Variants in EYA1 observed in about 807,000 individuals in gnomAD.
EYA1 encodes the protein protein phosphatase EYA1.
Under a neutral mutation model 82.0 loss-of-function variants are expected in EYA1, and 16 were observed. The ratio of observed to expected loss-of-function variants is 0.20; its 90% CI spans 0.13 to 0.30. The LOEUF (loss-of-function observed/expected upper bound fraction) is 0.30, where lower values mean the gene tolerates loss of function less well. EYA1 is among the 10% of genes least tolerant of loss of function. The pLI is 1.00. For synonymous variants in EYA1, 261 were observed against 264.4 expected (o/e 0.99, Z 0.12); for missense variants, 633 against 730.7 (o/e 0.87, Z 1.54).
At chr8:71,266,100 G>C (rs1815769008) in intron 11 of EYA1, among the ~76,000 whole-genome samples, 1 of 152,142 alleles carries the variant, frequency 6.6e-6, no homozygotes, top group Non-Finnish European at 1.5e-5. Context: ...CCTACTCATT[G>C]AGTTGCCTAA....
chr8:71,504,842 C>G (rs1489881575), intron 2 of EYA1, among the ~76,000 whole-genome samples: 3 of 152,190 alleles, frequency 2.0e-5, no homozygotes, highest in African/African-American at 7.2e-5. Flanking sequence ...CCCTCTGCCC[C>G]CTAGGCTAGA....
chr8:71,366,204 A>G (rs539610616), upstream of EYA1, among the ~76,000 whole-genome samples: 216 of 152,186 alleles, frequency 1.4e-3, 2 homozygotes, highest in African/African-American at 5.1e-3. Context: ...TCTTGAAACT[A>G]ATAGTGATAG....
At chr8:71,503,548 G>C (rs1429175650) in intron 2 of EYA1, among the ~76,000 whole-genome samples, 1 of 151,648 alleles carries the variant, frequency 6.6e-6, no homozygotes, top group Non-Finnish European at 1.5e-5. Context: ...ATCTCTCCTT[G>C]AGGTCTACAT....
chr8:71,333,556 T>C (rs755775833), intron 4 of EYA1, among the ~76,000 whole-genome samples: 15 of 152,244 alleles, frequency 9.9e-5, no homozygotes, highest in African/African-American at 1.9e-4. Context: ...AATTTCATTA[T>C]GACACTTGTG....
intron 11 of EYA1, among the ~76,000 whole-genome samples, chr8:71,267,716 T>G (rs1172393479): frequency 6.6e-6 from 1 of 152,064 alleles, no homozygotes; most frequent in Non-Finnish European, 1.5e-5. Context: ...GCCTGGCTAA[T>G]TTTTTGTATT....
At position 71,265,081 on chromosome 8, in the gene EYA1, A is replaced by T. The variant is rs1586075521; in HGVS notation, c.1050+4659T>A. Among the ~76,000 whole-genome samples, 6 of 152,318 alleles carry T rather than the reference A, an allele frequency of 3.9e-5. No homozygotes were observed. In the South Asian group the frequency reaches 1.2e-3, roughly 32 times the overall value. On this transcript the variant is annotated intron_variant, in intron 11 of 17. Transcript: ENST00000340726. ...TCTATCACACTCTAAGGCATAGCGT[A>T]TACTTGTAATTCATAAATTTGAGGA...
intron 11 of EYA1, among the ~76,000 whole-genome samples, chr8:71,258,271 T>C (rs1814680816): frequency 6.6e-6 from 1 of 152,310 alleles, no homozygotes; most frequent in African/African-American, 2.4e-5. Context: ...GACTCATTAA[T>C]GTCAGGCCAG....
intron 2 of EYA1, among the ~76,000 whole-genome samples, chr8:71,464,032 A>G (rs1808602831): frequency 6.6e-6 from 1 of 152,184 alleles, no homozygotes; most frequent in African/African-American, 2.4e-5. Context: ...TTATAATAAC[A>G]GAACCCACTA....
chr8:71,428,687 G>A (rs1400530969), intron 2 of EYA1, among the ~76,000 whole-genome samples: 1 of 152,110 alleles, frequency 6.6e-6, no homozygotes. Context: ...TTCATTTGAG[G>A]TGCATTCAAG....
At chr8:71,366,604 T>A (rs1335189976), upstream of EYA1, among the ~76,000 whole-genome samples, 1 of 152,242 alleles carries the variant, frequency 6.6e-6, no homozygotes, top group African/African-American at 2.4e-5. Flanking sequence ...TCACAGTTTT[T>A]AAATTCTTCG....
chr8:71,322,826 T>C lies in EYA1; in HGVS notation c.203-558A>G, dbSNP rs568082994. On this transcript the variant is annotated intron_variant, in intron 4 of 17. Transcript: ENST00000340726. Reference sequence around the variant, plus strand: ...TAGTAAAAATGCGTTCCTATAACTATCTTAAATTTCTCAAGTTGCAAGCTA... The same window carrying C: ...TAGTAAAAATGCGTTCCTATAACTACCTTAAATTTCTCAAGTTGCAAGCTA... Among the ~76,000 whole-genome samples, 47 of 152,338 alleles carry C rather than the reference T, an allele frequency of 3.1e-4. No homozygotes were observed. The South Asian group carries it at 9.5e-3, about 31-fold the overall frequency.
chr8:71,300,828 G>A (rs1820125390), intron 7 of EYA1, among the ~76,000 whole-genome samples: 1 of 151,958 alleles, frequency 6.6e-6, no homozygotes, highest in African/African-American at 2.4e-5. Flanking sequence ...TTTTGTGAAA[G>A]CAAAAACTAA....
At chr8:71,302,887 T>C (rs4738126) in intron 7 of EYA1, among the ~76,000 whole-genome samples, 83,981 of 140,200 alleles carry the variant, frequency 0.6, 30,296 homozygotes, top group East Asian at 0.87. Context: ...AAAAAGTAAC[T>C]TTTAATGGCT....
intron 1 of EYA1, among the ~76,000 whole-genome samples, chr8:71,359,902 A>G (rs1422820595): frequency 6.6e-6 from 1 of 152,160 alleles, no homozygotes; most frequent in South Asian, 2.1e-4. Context: ...TTATGTAAAA[A>G]AAATTTTCCT....
intron 2 of EYA1, among the ~76,000 whole-genome samples, chr8:71,490,261 A>C (rs755930171): frequency 1.3e-5 from 2 of 152,126 alleles, no homozygotes; most frequent in Non-Finnish European, 2.9e-5. Flanking sequence ...GATGGTTGCC[A>C]TTTTTGCCCA....
At chr8:71,428,254 G>A (rs1382262977) in intron 2 of EYA1, among the ~76,000 whole-genome samples, 6 of 152,092 alleles carry the variant, frequency 3.9e-5, no homozygotes, top group Admixed American at 2.0e-4. Context: ...GGGGAGGAGA[G>A]CATTAGTAAA....
In EYA1 at chr8:71,226,259, A is replaced by G. The variant is rs186926741; in HGVS notation, c.1141-9236T>C. Reference sequence around the variant, plus strand: ...ATATTAATCCCTTTTAAAATGTGCTAATTAAAAAAAATAAGACATCATTAT... The same window carrying G: ...ATATTAATCCCTTTTAAAATGTGCTGATTAAAAAAAATAAGACATCATTAT... On this transcript the variant is annotated intron_variant, in intron 12 of 17. Transcript: ENST00000340726. 2.8e-4 allele frequency among the ~76,000 whole-genome samples: 43 copies of G among 152,222 alleles called. No individual in the cohort carries two copies. The Middle Eastern group carries it at 0.01, about 36-fold the overall frequency.
rs1563422226 is a variant in EYA1, at chr8:71,299,181, T to G, written c.692A>C (p.Asn231Thr). ...ATAATGTGCTGGATACGGTGAGCTG[T>G]TATAATACTGTGCGTACTGACCCTG... is the stretch of plus-strand genomic sequence containing the variant. ...FGQGQYAQYY[N>T]SSPYPAHYMT... The change falls in exon 9 of 18, where the codon AAC becomes ACC. Residue 231 changes from asparagine (N) to threonine (T), a missense_variant. Transcript: ENST00000340726. 6.2e-7 allele frequency: 1 copy of G among 1,614,154 alleles called. No individual in the cohort carries two copies.
intron 2 of EYA1, among the ~76,000 whole-genome samples, chr8:71,356,093 A>G (rs1262511763): frequency 1.3e-5 from 2 of 152,206 alleles, no homozygotes; most frequent in East Asian, 3.9e-4. Flanking sequence ...TACATTGACT[A>G]TGGGTATCAG....
Sources: allele counts gnomAD v4.1 joint callset (sites outside exome capture counted in the v4.1 genomes callset), GRCh38; gene constraint gnomAD v4.1.1; transcripts MANE v1.5; gene names NCBI Gene and HGNC (gene_info 2026-07-23, HGNC 2026-07-21).